The following SLFN12 variants were observed in gnomAD, a reference collection of about 807,000 sequenced individuals.
SLFN12 encodes ribonuclease SLFN12.
SLFN12 carries 25 observed loss-of-function variants against 29.1 expected under a neutral mutation model. That is an observed-to-expected ratio of 0.86 (90% CI 0.63 to 1.20). SLFN12 has a LOEUF of 1.20. Ranked by LOEUF, SLFN12 falls within the 50% of genes most tolerant of loss-of-function variation. The pLI is 0.00. For synonymous variants in SLFN12, 257 were observed against 238.7 expected, an observed-to-expected ratio of 1.08 and a Z score of -0.71; for missense variants, 660 against 666.2, an observed-to-expected ratio of 0.99 and a Z score of 0.10.
At chr17:35,413,736 T>A in intron 3 of SLFN12, among the ~76,000 whole-genome samples, 1 of 132,480 alleles carries the variant, frequency 7.5e-6, no homozygotes, top group Admixed American at 8.0e-5. Flanking sequence ...GTAACAAGAG[T>A]GAAACCATGT....
rs774559853 is a variant in SLFN12 at position 35,422,330 on chromosome 17, A to T, written c.699T>A (p.Asp233Glu). ...TTAAACCAATGAACAAATATCCTCC[A>T]TCAGTATTTGCAAATGCAGAAACAT... ...PQYVSAFANT[D>E]GGYLFIGLNE... Residue 233 changes from aspartate (D) to glutamate (E), a missense_variant, in exon 2 of 4, where the codon GAT becomes GAA. Asp to Glu is a conservative substitution (Grantham distance 45, BLOSUM62 2). Transcript: ENST00000304905. The T allele has an allele frequency of 6.2e-7, 1 of 1,613,984 alleles. No individual in the cohort carries two copies. The highest frequency in any genetic ancestry group is 8.5e-7 in the Non-Finnish European group (1 of 1,179,960).
chr17:35,420,670 C>T (rs574010303), intron 2 of SLFN12: 6 of 225,940 alleles, frequency 2.7e-5, no homozygotes, highest in Non-Finnish European at 3.5e-5. Flanking sequence ...TAAAATGAGA[C>T]GTGATGGCTA....
chr17:35,424,726 C>T (rs1051647048), intron 1 of SLFN12, among the ~76,000 whole-genome samples: 1 of 152,136 alleles, frequency 6.6e-6, no homozygotes, highest in Non-Finnish European at 1.5e-5. Context: ...ACAATGTTAA[C>T]ATTAGAGCCC....
chr17:35,422,208 T>G lies in SLFN12; in HGVS notation c.821A>C (p.His274Pro). ...IEKSIRKMPV[H>P]HFCMEKKKIN... Reference sequence around the variant, plus strand: ...CTTCTTCTTCTCCATACAGAAGTGATGCACAGGCATCTTCCTAATGGACTT... The same window carrying G: ...CTTCTTCTTCTCCATACAGAAGTGAGGCACAGGCATCTTCCTAATGGACTT... The change falls in exon 2 of 4, where the codon CAT (histidine) becomes CCT (proline). Residue 274 changes from histidine to proline, a missense_variant. Transcript: ENST00000304905. The G allele has an allele frequency of 6.2e-7, 1 of 1,614,180 alleles. No homozygotes were observed. The highest frequency in any genetic ancestry group is 8.5e-7 in the Non-Finnish European group (1 of 1,180,020).
intron 1 of SLFN12, among the ~76,000 whole-genome samples, chr17:35,430,096 C>G (rs1432101770): frequency 6.6e-6 from 1 of 151,978 alleles, no homozygotes. Flanking sequence ...GCTCCCCAGC[C>G]CATGCAGGAG....
chr17:35,431,170 A>G (rs7211470), intron 1 of SLFN12, among the ~76,000 whole-genome samples: 3,611 of 152,274 alleles, frequency 0.024, 148 homozygotes, highest in African/African-American at 0.082. Context: ...ATGTACCTGA[A>G]GCTTTGATTG....
intron 3 of SLFN12, among the ~76,000 whole-genome samples, chr17:35,419,303 T>C (rs1408447195): frequency 6.6e-6 from 1 of 151,926 alleles, no homozygotes; most frequent in Non-Finnish European, 1.5e-5. Context: ...CTTATGAGAG[T>C]ATACCTTAAG....
At chr17:35,423,369 TAAAC>T (rs966505785) in intron 1 of SLFN12, among the ~76,000 whole-genome samples, 1 of 152,130 alleles carries the variant, frequency 6.6e-6, no homozygotes, top group African/African-American at 2.4e-5. Context: ...CTCCTTTTCT[TAAAC>T]AACCCCTGGA....
chr17:35,419,357 A>G (rs1016607969), intron 3 of SLFN12, among the ~76,000 whole-genome samples: 1 of 152,112 alleles, frequency 6.6e-6, no homozygotes, highest in African/African-American at 2.4e-5. Context: ...AACATTTGGT[A>G]GTCGTTAATA....
In SLFN12 at chr17:35,418,599, G is replaced by A. The variant is rs538319966; in HGVS notation, c.1147+1675C>T. On this transcript the variant is annotated intron_variant, in intron 3 of 3. Transcript: ENST00000304905. ...CACAAAATATGTGTTAATTGACTAC[G>A]TTATTGGTAAGGCTTTGGGTCAAAA... Among the ~76,000 whole-genome samples the A allele has an allele frequency of 1.4e-4, 21 of 152,098 alleles. No homozygotes were observed. The South Asian group carries it at 1.7e-3, about 12-fold the overall frequency.
At position 35,420,134 on chromosome 17, in the gene SLFN12, C is replaced by G. The variant is rs534699569; in HGVS notation, c.1147+140G>C. ...ATAAAGAAATAGGATTTGACAGATT[C>G]AATGACTTAAAACACCAAAGAATTC... On this transcript the variant is annotated intron_variant, in intron 3 of 3. Transcript: ENST00000304905. 2.5e-4 allele frequency: 153 copies of G among 612,876 alleles called. No homozygotes were observed. The African/African-American group carries it at 2.5e-3, about 10-fold the overall frequency. 38.0% of individuals were successfully genotyped at this position (612,876 alleles called of 1,614,324 possible).
Position 35,422,863 on chromosome 17 carries a change from C to T in SLFN12, c.166G>A (p.Gly56Arg), listed in dbSNP as rs762476530. 2 of 1,613,994 alleles carry T rather than the reference C, an allele frequency of 1.2e-6. No individual in the cohort carries two copies. The highest frequency in any genetic ancestry group is 2.2e-5 in the South Asian group (2 of 91,078). Residue 56 changes from glycine (G) to arginine (R), a missense_variant, in exon 2 of 4, where the codon GGG becomes AGG. Coordinates refer to ENST00000304905, the MANE Select transcript of SLFN12 (RefSeq NM_018042.5). Reference protein sequence around the residue: ...RAMCALLNSGGGVIKAEIENE... With the variant: ...RAMCALLNSGRGVIKAEIENE... ...TCAATTTCAGCCTTGATCACTCCCC[C>T]TCCAGAATTGAGCAGAGCACACATA... is the stretch of plus-strand genomic sequence containing the variant.
Position 35,423,010 on chromosome 17 carries a change from A to T in SLFN12, c.19T>A (p.Leu7Met). 1 of 1,611,368 alleles carries T rather than the reference A, an allele frequency of 6.2e-7. No individual in the cohort carries two copies. The highest frequency in any genetic ancestry group is 8.5e-7 in the Non-Finnish European group (1 of 1,178,672). Residue 7 changes from leucine to methionine, a missense_variant, in exon 2 of 4, where the codon TTG becomes ATG. Coordinates refer to ENST00000304905, the MANE Select transcript of SLFN12 (RefSeq NM_018042.5). ...ACCAACTCGGCATAATTCGTTTCCAAATCAACACTGATGTTCATTTTCCCA... is the reference window on the plus strand; with the variant it reads ...ACCAACTCGGCATAATTCGTTTCCATATCAACACTGATGTTCATTTTCCCA... MNISVD[L>M]ETNYAELVLD...
rs1440664256 is a variant in SLFN12, at chr17:35,419,293, C to T, written c.1147+981G>A. Reference sequence around the variant, plus strand: ...CCTACATTAAAATTTAAAACTACTACTTATGAGAGTATACCTTAAGAAAAG... The same window carrying T: ...CCTACATTAAAATTTAAAACTACTATTTATGAGAGTATACCTTAAGAAAAG... On this transcript the variant is annotated intron_variant, in intron 3 of 3. Coordinates refer to ENST00000304905, the MANE Select transcript of SLFN12 (RefSeq NM_018042.5). Among the ~76,000 whole-genome samples, 13 of 152,050 alleles carry T rather than the reference C, an allele frequency of 8.5e-5. 1 individual carries two copies. Among genetic ancestry groups the T allele is most frequent in the Non-Finnish European group, 2.9e-5 (2 of 67,998 alleles).
intron 3 of SLFN12, among the ~76,000 whole-genome samples, chr17:35,416,975 T>G (rs1911354841): frequency 6.6e-6 from 1 of 152,014 alleles, no homozygotes; most frequent in Admixed American, 6.6e-5. Flanking sequence ...ACAGGCAAAT[T>G]CCACCACAAT....
In SLFN12 at chr17:35,411,634, G is replaced by C. The variant is rs541929103; in HGVS notation, c.1441C>G (p.Leu481Val). The C allele has an allele frequency of 3.7e-6, 6 of 1,614,008 alleles. No individual in the cohort carries two copies. The South Asian group carries it at 6.6e-5, about 18-fold the overall frequency. ...TTAGTGTAACCACCAATTTTTGCCA[G>C]CTTCTGCTTTAAGGTTAGGGCAGTT... is the stretch of plus-strand genomic sequence containing the variant. ...TQTALTLKQK[L>V]AKIGGYTKKV... Residue 481 changes from leucine to valine, a missense_variant, in exon 4 of 4, where the codon CTG becomes GTG. Transcript: ENST00000304905.
At chr17:35,427,213 A>G (rs934346974) in intron 1 of SLFN12, among the ~76,000 whole-genome samples, 7 of 152,168 alleles carry the variant, frequency 4.6e-5, no homozygotes, top group Non-Finnish European at 8.8e-5. Context: ...TAAAAACACC[A>G]TGAAATTTCC....
At chr17:35,429,051 T>C (rs889246624) in intron 1 of SLFN12, among the ~76,000 whole-genome samples, 15 of 152,074 alleles carry the variant, frequency 9.9e-5, no homozygotes, top group African/African-American at 3.6e-4. Context: ...CAGCCTCTGC[T>C]CTGCTCCCCG....
At chr17:35,417,788 A>T (rs1911399145) in intron 3 of SLFN12, among the ~76,000 whole-genome samples, 1 of 152,124 alleles carries the variant, frequency 6.6e-6, no homozygotes, top group African/African-American at 2.4e-5. Flanking sequence ...GCCTTATATA[A>T]ACTCAGTATG....
Sources: gnomAD v4.1 joint callset for allele counts (sites outside exome capture counted in the v4.1 genomes callset) on GRCh38, gnomAD v4.1.1 for gene constraint, MANE v1.5 for transcripts, NCBI Gene and HGNC (gene_info 2026-07-23, HGNC 2026-07-21) for gene names.